The following IFNLR1 variants were observed in gnomAD, a reference collection of about 807,000 sequenced individuals.
IFNLR1 encodes interferon lambda receptor 1.
In IFNLR1, 28 loss-of-function variants were observed where a neutral mutation model predicts 52.5. The observed-to-expected ratio is 0.53, with a 90% confidence interval of 0.40 to 0.73. The LOEUF (loss-of-function observed/expected upper bound fraction) is 0.73. IFNLR1 is among the 30% of genes least tolerant of loss of function. The pLI, the probability that IFNLR1 is intolerant of heterozygous loss-of-function variation, is 0.00. For synonymous variants in IFNLR1, 276 were observed against 274.9 expected, an observed-to-expected ratio of 1.00 and a Z score of -0.04; for missense variants, 623 against 659.1, an observed-to-expected ratio of 0.95 and a Z score of 0.60.
intron 1 of IFNLR1, among the ~76,000 whole-genome samples, chr1:24,186,032 G>C (rs1644734921): frequency 6.6e-6 from 1 of 152,226 alleles, no homozygotes; most frequent in Non-Finnish European, 1.5e-5. Flanking sequence ...TCACACCATA[G>C]TTAGTGTTGT....
intron 1 of IFNLR1, 92 bp downstream of exon 1, chr1:24,187,099 G>C: frequency 1.2e-6 from 1 of 831,102 alleles, no homozygotes. Context: ...TGCGGACCCC[G>C]TGCCTGTCCC....
chr1:24,159,656 G>A, intron 4 of IFNLR1, 23 bp from the exon 5 acceptor site: 1 of 1,612,564 alleles, frequency 6.2e-7, no homozygotes, highest in African/African-American at 1.3e-5. Context: ...GAAGCAGAGA[G>A]TGGCAGAGCT....
At chr1:24,176,003 A>C (rs1644629174) in intron 2 of IFNLR1, among the ~76,000 whole-genome samples, 1 of 151,848 alleles carries the variant, frequency 6.6e-6, no homozygotes, top group South Asian at 2.1e-4. Context: ...TATGAAAAGG[A>C]CACAAATTTT....
At chr1:24,185,802 C>A (rs531480599) in intron 1 of IFNLR1, among the ~76,000 whole-genome samples, 17 of 152,308 alleles carry the variant, frequency 1.1e-4, no homozygotes, top group African/African-American at 3.8e-4. Context: ...CTCTATGAAG[C>A]CTTCAAAGGA....
rs149360836 is a variant in IFNLR1 at position 24,171,187 on chromosome 1, C to T, written c.183-1586G>A. Among the ~76,000 whole-genome samples the T allele has an allele frequency of 6.7e-3, 1,015 of 152,324 alleles. 8 individuals are homozygous for T. Among genetic ancestry groups the T allele is most frequent in the African/African-American group, 0.022 (920 of 41,580 alleles). On this transcript the variant is annotated intron_variant, in intron 2 of 6. Transcript: ENST00000327535. ...AGACAAACTACAGGTAGAAAGTGAA[C>T]AGCCACACTTACAACAAGAAATTTT...
intron 4 of IFNLR1, 93 bp from the exon 5 acceptor site, chr1:24,159,726 G>GTTTTTTTTTTGTTT (rs1407264887): frequency 7.9e-6 from 6 of 762,636 alleles, no homozygotes; most frequent in African/African-American, 3.8e-5. Flanking sequence ...ATGGTAGGGT[G>GTTTTTTTTTTGTTT]TTTTTTTTTT....
chr1:24,176,022 A>G (rs993382076), intron 2 of IFNLR1, among the ~76,000 whole-genome samples: 1 of 152,170 alleles, frequency 6.6e-6, no homozygotes, highest in African/African-American at 2.4e-5. Flanking sequence ...TTGGGAGGCC[A>G]GAGGGCAAGC....
intron 2 of IFNLR1, among the ~76,000 whole-genome samples, chr1:24,173,249 G>C (rs531601018): frequency 4.8e-4 from 72 of 150,434 alleles, no homozygotes; most frequent in Non-Finnish European, 8.7e-4. Flanking sequence ...TCAATAATAA[G>C]AAAATAAATG....
Position 24,157,312 on chromosome 1 carries a change from C to G in IFNLR1, c.1381G>C (p.Val461Leu). 1 of 1,614,200 alleles carries G rather than the reference C, an allele frequency of 6.2e-7. No individual in the cohort carries two copies. Residue 461 changes from valine to leucine, a missense_variant, in exon 7 of 7, where the codon GTC (valine) becomes CTC (leucine). Val to Leu is a conservative substitution (Grantham distance 32). Transcript: ENST00000327535. The surrounding 1 kb of genome is among the most constrained non-coding windows in gnomAD (Gnocchi z 5.1). ...AGAGAAACTGGGGGTCCCCCAGGGA[C>G]CAGATTCGGCTCCGGTGGTAAGGTG... ...WGTLPPEPNLVPGGPPVSLQT... is the reference protein window; with the variant it reads ...WGTLPPEPNLLPGGPPVSLQT...
At chr1:24,162,776 CTTTTTCTTTCTTTTT>C (rs1644464309) in intron 3 of IFNLR1, among the ~76,000 whole-genome samples, 2 of 42,638 alleles carry the variant, frequency 4.7e-5, no homozygotes, top group Admixed American at 5.1e-4. Context: ...TTCTTTCTTT[CTTTTTCTTTCTTTTT>C]CTTTCTTTCT....
intron 4 of IFNLR1, among the ~76,000 whole-genome samples, chr1:24,161,114 A>T (rs1644438153): frequency 6.6e-6 from 1 of 152,208 alleles, no homozygotes; most frequent in Non-Finnish European, 1.5e-5. Flanking sequence ...AGCGTTGAGT[A>T]GTCCTGAGCG....
chr1:24,162,728 CTT>C (rs1486320840), intron 3 of IFNLR1, among the ~76,000 whole-genome samples: 1 of 12,632 alleles, frequency 7.9e-5, no homozygotes, highest in East Asian at 9.4e-3. Flanking sequence ...TCTTTCTTTT[CTT>C]TCTTTCTTTC....
chr1:24,159,707 T>C, intron 4 of IFNLR1, 74 bp from the exon 5 acceptor site: 1 of 1,228,322 alleles, frequency 8.1e-7, no homozygotes, highest in Non-Finnish European at 1.1e-6. Flanking sequence ...CAGAGTGGGG[T>C]TGGCAGACAT....
chr1:24,164,276 C>T (rs997571302), intron 3 of IFNLR1, among the ~76,000 whole-genome samples: 4 of 152,282 alleles, frequency 2.6e-5, no homozygotes, highest in African/African-American at 2.4e-5. Flanking sequence ...CTGGTTTCAC[C>T]GTCTGAGATA....
chr1:24,182,329 A>C (rs7537544), intron 1 of IFNLR1, among the ~76,000 whole-genome samples: 132,180 of 151,946 alleles, frequency 0.87, 57,591 homozygotes, highest in Admixed American at 0.91. Flanking sequence ...GCTGGAGGCG[A>C]TCAAAAGCCC....
In IFNLR1 at chr1:24,157,566, G is replaced by T. The variant is rs780206434; in HGVS notation, c.1127C>A (p.Pro376Gln). The change falls in exon 7 of 7, where the codon CCA becomes CAA. Residue 376 changes from proline (P) to glutamine (Q), a missense_variant. Coordinates refer to ENST00000327535, the MANE Select transcript of IFNLR1 (RefSeq NM_170743.4). The surrounding 1 kb of genome is among the most constrained non-coding windows in gnomAD (Gnocchi z 5.1). ...DSGRPRAPLV[P>Q]SEGSSAWDSS... ...ATCCCAAGCAGAGGAGCCTTCGCTT[G>T]GGACCAGAGGAGCCCTGGGCCTCCC... The T allele has an allele frequency of 5.6e-6, 9 of 1,611,996 alleles. No homozygotes were observed. The East Asian group carries it at 2.0e-4, about 36-fold the overall frequency.
At chr1:24,166,006 G>A (rs1383059017) in intron 3 of IFNLR1, among the ~76,000 whole-genome samples, 1 of 152,164 alleles carries the variant, frequency 6.6e-6, no homozygotes, top group East Asian at 1.9e-4. Context: ...AGAATCAGGA[G>A]AAATTCAGGG....
intron 3 of IFNLR1, among the ~76,000 whole-genome samples, chr1:24,166,158 C>T (rs1400370131): frequency 6.7e-6 from 1 of 149,572 alleles, no homozygotes; most frequent in African/African-American, 2.5e-5. Context: ...TGTCTGCCTT[C>T]TTATCCTTCC....
intron 1 of IFNLR1, among the ~76,000 whole-genome samples, chr1:24,185,371 T>G (rs1644727575): frequency 6.6e-6 from 1 of 152,182 alleles, no homozygotes; most frequent in Non-Finnish European, 1.5e-5. Flanking sequence ...GACCACGGTG[T>G]GCCAGGGGTT....
Sources: allele counts gnomAD v4.1 joint callset (sites outside exome capture counted in the v4.1 genomes callset), GRCh38; gene constraint gnomAD v4.1.1; non-coding constraint Gnocchi (gnomAD v3.1); transcripts MANE v1.5; gene names NCBI Gene and HGNC (gene_info 2026-07-23, HGNC 2026-07-21).